GRIK3: variants seen among roughly 807,000 people sequenced by gnomAD.
The protein encoded by GRIK3 is glutamate ionotropic receptor kainate type subunit 3.
Under a neutral mutation model 102.5 loss-of-function variants are expected in GRIK3, and 29 were observed. That is an observed-to-expected ratio of 0.28 (90% CI 0.21 to 0.39). The LOEUF is 0.39. Among genes scored for constraint, GRIK3 ranks in the 10% least tolerant of loss-of-function variants. The pLI, the probability that GRIK3 is intolerant of heterozygous loss-of-function variation, is 1.00. For missense variants in GRIK3, 908 were observed against 1,252.4 expected, an observed-to-expected ratio of 0.73 and a Z score of 4.15; for synonymous variants, 511 against 504.9, an observed-to-expected ratio of 1.01 and a Z score of -0.16.
intron 1 of GRIK3, among the ~76,000 whole-genome samples, chr1:36,980,291 G>A (rs1452335115): frequency 6.6e-6 from 1 of 152,002 alleles, no homozygotes; most frequent in Non-Finnish European, 1.5e-5. Context: ...GTGTGATCCA[G>A]CCTCTGCTCA....
chr1:36,930,650 G>A (rs1475299377), intron 1 of GRIK3, among the ~76,000 whole-genome samples: 2 of 152,186 alleles, frequency 1.3e-5, no homozygotes, highest in Non-Finnish European at 2.9e-5. Context: ...CTGTCCACAG[G>A]CCTGACCACA....
At chr1:36,844,122 C>T (rs2124219549) in intron 9 of GRIK3, among the ~76,000 whole-genome samples, 1 of 152,346 alleles carries the variant, frequency 6.6e-6, no homozygotes, top group South Asian at 2.1e-4. Context: ...CATCCTGCCC[C>T]ATGCTTGATC....
chr1:36,845,796 G>T lies in GRIK3; in HGVS notation c.1327-3857C>A, dbSNP rs141402548. On this transcript the variant is annotated intron_variant, in intron 9 of 15. Coordinates refer to ENST00000373091, the MANE Select transcript of GRIK3 (RefSeq NM_000831.4). ...GGAGTCCTATTCTCCCAGCAGGAGGGGCCTAGAATCGTTCCCAGCCTGGGA... is the reference window on the plus strand; with the variant it reads ...GGAGTCCTATTCTCCCAGCAGGAGGTGCCTAGAATCGTTCCCAGCCTGGGA... 5.4e-3 allele frequency among the ~76,000 whole-genome samples: 823 copies of T among 152,254 alleles called. 6 individuals are homozygous for T. The highest frequency in any genetic ancestry group is 9.2e-3 in the Admixed American group (141 of 15,280).
intron 1 of GRIK3, 61 bp from the exon 2 acceptor site, chr1:36,891,157 G>T: frequency 7.7e-7 from 1 of 1,307,180 alleles, no homozygotes; most frequent in Non-Finnish European, 1.1e-6. Context: ...TAGCAAGGAT[G>T]CTTGGCTCAA....
At chr1:36,964,639 G>T (rs1056712961) in intron 1 of GRIK3, among the ~76,000 whole-genome samples, 1 of 152,170 alleles carries the variant, frequency 6.6e-6, no homozygotes, top group Non-Finnish European at 1.5e-5. Flanking sequence ...GAAAATGGAG[G>T]CTCAGTGAAG....
chr1:36,867,618 G>C (rs1296748810), intron 5 of GRIK3, among the ~76,000 whole-genome samples: 2 of 152,010 alleles, frequency 1.3e-5, no homozygotes, highest in Non-Finnish European at 2.9e-5. Flanking sequence ...ACTTGGGTGG[G>C]AGGGGTGTAC....
intron 1 of GRIK3, among the ~76,000 whole-genome samples, chr1:36,975,347 T>G (rs899355769): frequency 1.4e-5 from 2 of 144,724 alleles, no homozygotes; most frequent in Admixed American, 7.1e-5. Context: ...CTCGAGTTAG[T>G]GCAGTGGCAC....
At position 36,806,863 on chromosome 1, in the gene GRIK3, C is replaced by G. The variant is rs1642507272; in HGVS notation, c.2092-537G>C. On this transcript the variant is annotated intron_variant, in intron 13 of 15. Transcript: ENST00000373091. The surrounding 1 kb of genome is among the most constrained non-coding windows in gnomAD (Gnocchi z 4.0). ...CCATACCCCTAACCCCTCAGCTGCC[C>G]TGCCTCACAGAAACCACTGTGAGGG... 6.6e-6 allele frequency among the ~76,000 whole-genome samples: 1 copy of G among 152,218 alleles called. No individual in the cohort carries two copies. The highest frequency in any genetic ancestry group is 2.1e-4 in the South Asian group (1 of 4,828).
At chr1:36,827,060 C>A (rs1461126273) in intron 10 of GRIK3, among the ~76,000 whole-genome samples, 1 of 152,200 alleles carries the variant, frequency 6.6e-6, no homozygotes, top group African/African-American at 2.4e-5. Context: ...CCTTCCTCTG[C>A]ACATCTTGCC....
intron 1 of GRIK3, among the ~76,000 whole-genome samples, chr1:36,893,143 T>C (rs1641135526): frequency 6.6e-6 from 1 of 152,144 alleles, no homozygotes; most frequent in African/African-American, 2.4e-5. Flanking sequence ...GAGGTCTTTC[T>C]AAGCCTTTCA....
chr1:36,855,908 CACTGAG>C (rs1409561225), intron 7 of GRIK3, among the ~76,000 whole-genome samples: 1 of 152,230 alleles, frequency 6.6e-6, no homozygotes, highest in Non-Finnish European at 1.5e-5. Flanking sequence ...CAGATGTGGA[CACTGAG>C]GCTCAAAGAG....
intron 1 of GRIK3, among the ~76,000 whole-genome samples, chr1:36,980,829 T>C (rs1642241283): frequency 6.6e-6 from 1 of 152,074 alleles, no homozygotes; most frequent in African/African-American, 2.4e-5. Context: ...AGATGAACCA[T>C]CACAAAATCC....
At chr1:36,931,711 CA>C (rs2124314313) in intron 1 of GRIK3, among the ~76,000 whole-genome samples, 1 of 152,296 alleles carries the variant, frequency 6.6e-6, no homozygotes, top group African/African-American at 2.4e-5. Context: ...AATTTGGCAT[CA>C]GGACTAGATG....
chr1:36,829,604 C>G (rs1195004038), intron 10 of GRIK3, among the ~76,000 whole-genome samples: 1 of 152,080 alleles, frequency 6.6e-6, no homozygotes, highest in Non-Finnish European at 1.5e-5. Flanking sequence ...ACCTCTGGAC[C>G]AGGCAGGATG....
At chr1:36,878,126 G>A (rs575313179) in intron 3 of GRIK3, among the ~76,000 whole-genome samples, 1 of 152,306 alleles carries the variant, frequency 6.6e-6, no homozygotes, top group Admixed American at 6.5e-5. Flanking sequence ...CATCTACACT[G>A]TACCAGACCC....
chr1:36,869,027 G>C (rs1289940652), intron 5 of GRIK3, among the ~76,000 whole-genome samples: 1 of 152,256 alleles, frequency 6.6e-6, no homozygotes, highest in Non-Finnish European at 1.5e-5. Flanking sequence ...GGGTGGAATA[G>C]TCTGCCCAGG....
At chr1:36,988,400 C>A (rs1000752439) in intron 1 of GRIK3, among the ~76,000 whole-genome samples, 5 of 152,254 alleles carry the variant, frequency 3.3e-5, no homozygotes, top group African/African-American at 1.2e-4. Flanking sequence ...CCAGCACTTG[C>A]CCTCCCATCT....
intron 1 of GRIK3, among the ~76,000 whole-genome samples, chr1:36,984,473 A>G (rs1474419932): frequency 6.6e-6 from 1 of 152,256 alleles, no homozygotes; most frequent in Non-Finnish European, 1.5e-5. Flanking sequence ...AGGCAGCCAG[A>G]GATCCTCCTC....
chr1:36,972,215 A>G (rs1317988745), intron 1 of GRIK3, among the ~76,000 whole-genome samples: 1 of 152,202 alleles, frequency 6.6e-6, no homozygotes, highest in Non-Finnish European at 1.5e-5. Context: ...AGGGCCTGGG[A>G]GGCCTGGGAA....
Sources: gnomAD v4.1 joint callset for allele counts (sites outside exome capture counted in the v4.1 genomes callset) on GRCh38, gnomAD v4.1.1 for gene constraint, Gnocchi (gnomAD v3.1) non-coding constraint, MANE v1.5 for transcripts, NCBI Gene and HGNC (gene_info 2026-07-23, HGNC 2026-07-21) for gene names.